LRRTM4: variants seen among roughly 807,000 people sequenced by gnomAD.
The protein encoded by LRRTM4 is leucine rich repeat transmembrane neuronal 4, also known as leucine-rich repeat transmembrane neuronal protein 4.
Under a neutral mutation model 47.6 loss-of-function variants are expected in LRRTM4, and 25 were observed. The observed-to-expected ratio is 0.53, with a 90% CI of 0.38 to 0.73. LRRTM4 has a LOEUF of 0.73. LRRTM4 is among the 30% of genes least tolerant of loss of function. The probability of loss-of-function intolerance (pLI) is 0.00; values close to 1 mark genes in which losing one functional copy is unlikely to be tolerated. For synonymous variants in LRRTM4, 311 were observed against 269.5 expected (o/e 1.15, Z -1.51); for missense variants, 638 against 713.4 (o/e 0.89, Z 1.20).
chr2:77,308,633 C>A (rs1460866503), intron 3 of LRRTM4, among the ~76,000 whole-genome samples: 1 of 151,826 alleles, frequency 6.6e-6, no homozygotes. Context: ...AAATAAATAC[C>A]ATTTTATCTC....
At chr2:77,013,979 T>A (rs1323130631) in intron 3 of LRRTM4, among the ~76,000 whole-genome samples, 1 of 152,218 alleles carries the variant, frequency 6.6e-6, no homozygotes, top group Non-Finnish European at 1.5e-5. Flanking sequence ...TGGTTCCTTA[T>A]GGAAAATAAA....
At chr2:77,319,880 C>G (rs929962492) in intron 3 of LRRTM4, among the ~76,000 whole-genome samples, 1 of 152,174 alleles carries the variant, frequency 6.6e-6, no homozygotes, top group African/African-American at 2.4e-5. Context: ...GATTCAAAGT[C>G]TAGGCTTGTA....
rs199536521 is a variant in LRRTM4, at chr2:77,452,667, C to CT, written c.1551+65650dup. ...CATCACCATCTTAAAATTCTTAATACTTTTTTTTAACAAGAGGCCCTGCAT... is the reference window on the plus strand; with the variant it reads ...CATCACCATCTTAAAATTCTTAATACTTTTTTTTTAACAAGAGGCCCTGCAT... On this transcript the variant is annotated intron_variant, in intron 3 of 3. Coordinates refer to ENST00000409884, the MANE Select transcript of LRRTM4 (RefSeq NM_001134745.3). 9.5e-4 allele frequency among the ~76,000 whole-genome samples: 144 copies of CT among 152,096 alleles called. 2 individuals carry two copies. In the East Asian group the frequency reaches 0.019, roughly 20 times the overall value.
chr2:77,491,236 AT>A (rs1678150164), intron 3 of LRRTM4, among the ~76,000 whole-genome samples: 1 of 152,166 alleles, frequency 6.6e-6, no homozygotes, highest in Non-Finnish European at 1.5e-5. Flanking sequence ...GATTGCCTGA[AT>A]GAGGAAGAAT....
chr2:76,929,370 T>C (rs900502344), intron 3 of LRRTM4, among the ~76,000 whole-genome samples: 4 of 152,304 alleles, frequency 2.6e-5, no homozygotes, highest in African/African-American at 9.6e-5. Flanking sequence ...ATGGCTGCTT[T>C]CATGCTACGA....
intron 3 of LRRTM4, among the ~76,000 whole-genome samples, chr2:76,798,710 T>C (rs1421030560): frequency 2.0e-5 from 3 of 150,722 alleles, no homozygotes; most frequent in Non-Finnish European, 3.0e-5. Flanking sequence ...CTAGCAAGAC[T>C]AATAAAGAAG....
intron 3 of LRRTM4, among the ~76,000 whole-genome samples, chr2:76,801,589 C>T (rs1182057939): frequency 1.3e-5 from 2 of 151,834 alleles, no homozygotes; most frequent in African/African-American, 4.8e-5. Flanking sequence ...GGGTGCAGTG[C>T]ACCAGCATGG....
intron 3 of LRRTM4, among the ~76,000 whole-genome samples, chr2:76,972,872 C>T (rs1268733264): frequency 6.6e-6 from 1 of 151,892 alleles, no homozygotes; most frequent in African/African-American, 2.4e-5. Flanking sequence ...AGAATTTCAC[C>T]AAATGATATA....
At chr2:77,029,698 G>A (rs1244258427) in intron 3 of LRRTM4, among the ~76,000 whole-genome samples, 1 of 152,168 alleles carries the variant, frequency 6.6e-6, no homozygotes, top group Non-Finnish European at 1.5e-5. Flanking sequence ...TCTAATATAT[G>A]GTGATGCGAA....
intron 3 of LRRTM4, among the ~76,000 whole-genome samples, chr2:76,910,709 G>A (rs1308992512): frequency 6.6e-6 from 1 of 152,066 alleles, no homozygotes; most frequent in South Asian, 2.1e-4. Flanking sequence ...GATGCTAGAT[G>A]GTCACTCATT....
rs75934057 is a variant in LRRTM4 at position 76,957,056 on chromosome 2, T to C, written c.1552-208140A>G. 1.1e-3 allele frequency among the ~76,000 whole-genome samples: 169 copies of C among 151,904 alleles called. 2 individuals are homozygous for C. The East Asian group carries it at 0.031, about 28-fold the overall frequency. ...TAAATGGATTAAAAAATGTGATATA[T>C]ACATACAATGAAATATTATTTGGCA... On this transcript the variant is annotated intron_variant, in intron 3 of 3. Coordinates refer to ENST00000409884, the MANE Select transcript of LRRTM4 (RefSeq NM_001134745.3).
intron 3 of LRRTM4, among the ~76,000 whole-genome samples, chr2:77,241,158 C>G (rs1675250271): frequency 6.6e-6 from 1 of 150,656 alleles, no homozygotes; most frequent in African/African-American, 2.4e-5. Context: ...TTTCTGATTT[C>G]AAGACTTTCA....
At chr2:76,902,118 G>T (rs1219173620) in intron 3 of LRRTM4, among the ~76,000 whole-genome samples, 1 of 152,100 alleles carries the variant, frequency 6.6e-6, no homozygotes, top group Non-Finnish European at 1.5e-5. Flanking sequence ...TTTTATGGAA[G>T]AGAAAATAAT....
intron 3 of LRRTM4, among the ~76,000 whole-genome samples, chr2:77,462,424 T>C (rs2103974723): frequency 6.6e-6 from 1 of 152,150 alleles, no homozygotes; most frequent in African/African-American, 2.4e-5. Context: ...TTGAACAAGC[T>C]CAGTAAAAAA....
chr2:76,908,938 A>T (rs1327446202), intron 3 of LRRTM4, among the ~76,000 whole-genome samples: 1 of 152,204 alleles, frequency 6.6e-6, no homozygotes, highest in Non-Finnish European at 1.5e-5. Context: ...TGATAGATTC[A>T]ATGCCATCCC....
intron 3 of LRRTM4, among the ~76,000 whole-genome samples, chr2:76,993,085 C>T (rs888774528): frequency 4.0e-5 from 6 of 151,798 alleles, no homozygotes; most frequent in African/African-American, 1.4e-4. Context: ...AAGAATAAAA[C>T]TGGACCCTTA....
intron 3 of LRRTM4, among the ~76,000 whole-genome samples, chr2:76,915,963 G>A (rs958436489): frequency 6.6e-6 from 1 of 152,098 alleles, no homozygotes; most frequent in Non-Finnish European, 1.5e-5. Flanking sequence ...CAGTTTGTTA[G>A]TGAGCCATAG....
In LRRTM4 at chr2:76,997,492, T is replaced by C. The variant is rs1000942464; in HGVS notation, c.1552-248576A>G. 5.9e-5 allele frequency among the ~76,000 whole-genome samples: 9 copies of C among 152,236 alleles called. 1 individual carries two copies. The highest frequency in any genetic ancestry group is 1.7e-4 in the African/African-American group (7 of 41,566). Reference sequence around the variant, plus strand: ...ATGAATCTGAAACCCTAAAATGGTGTGACAAAATTGAGTTACTGTCTCATG... The same window carrying C: ...ATGAATCTGAAACCCTAAAATGGTGCGACAAAATTGAGTTACTGTCTCATG... On this transcript the variant is annotated intron_variant, in intron 3 of 3. Coordinates refer to ENST00000409884, the MANE Select transcript of LRRTM4 (RefSeq NM_001134745.3).
intron 3 of LRRTM4, among the ~76,000 whole-genome samples, chr2:76,943,534 G>A (rs1383022508): frequency 6.6e-6 from 1 of 152,176 alleles, no homozygotes; most frequent in African/African-American, 2.4e-5. Flanking sequence ...CAGTTATTGT[G>A]CCATAAAGAG....
Sources: allele counts gnomAD v4.1 joint callset (sites outside exome capture counted in the v4.1 genomes callset), GRCh38; gene constraint gnomAD v4.1.1; transcripts MANE v1.5; gene names NCBI Gene and HGNC (gene_info 2026-07-23, HGNC 2026-07-21).